The following SCEL variants were observed in gnomAD, a reference collection of about 807,000 sequenced individuals.
SCEL encodes sciellin.
A neutral mutation model predicts 117.6 loss-of-function variants in SCEL; 113 were observed. That is an observed-to-expected ratio of 0.96 (90% confidence interval 0.83 to 1.12). The LOEUF (loss-of-function observed/expected upper bound fraction) is 1.12. Among genes scored for constraint, SCEL ranks in the 50% most tolerant of loss-of-function variants. The pLI is 0.00. For synonymous variants in SCEL, 270 were observed against 256.2 expected (o/e 1.05, Z -0.51); for missense variants, 785 against 810.8 (o/e 0.97, Z 0.39).
In SCEL at chr13:77,608,189, G is replaced by T. The variant is rs574619441; in HGVS notation, c.1217+74G>T. Reference sequence around the variant, plus strand: ...TGGCACTCAGGAAAGAAGATGTGTTGAAAAACCTTTGGATTGGGATCAGAA... The same window carrying T: ...TGGCACTCAGGAAAGAAGATGTGTTTAAAAACCTTTGGATTGGGATCAGAA... On this transcript the variant is annotated intron_variant, in intron 20 of 32. Coordinates refer to ENST00000349847, the MANE Select transcript of SCEL (RefSeq NM_144777.3). 8.1e-5 allele frequency: 98 copies of T among 1,210,396 alleles called. No individual in the cohort carries two copies. The African/African-American group carries it at 1.0e-3, about 13-fold the overall frequency. 75.0% of individuals were successfully genotyped at this position (1,210,396 alleles called of 1,614,324 possible). A position where few individuals can be genotyped will look rare whatever the true frequency, so the allele number is the denominator to read the frequency against.
At position 77,596,351 on chromosome 13, in the gene SCEL, G is replaced by A. The variant is rs373910245; in HGVS notation, c.753-1194G>A. ...TCTGTCTTAAAAAAAAAAAAGTATA[G>A]CAAGCATTTATTAAACAAAAAATTT... is the stretch of plus-strand genomic sequence containing the variant. On this transcript the variant is annotated intron_variant, in intron 12 of 32. Transcript: ENST00000349847. Among the ~76,000 whole-genome samples, 373 of 151,810 alleles carry A rather than the reference G, an allele frequency of 2.5e-3. 3 individuals carry two copies. The highest frequency in any genetic ancestry group is 4.3e-3 in the Non-Finnish European group (291 of 67,906).
At chr13:77,570,554 G>A (rs1263162574) in intron 8 of SCEL, among the ~76,000 whole-genome samples, 2 of 152,146 alleles carry the variant, frequency 1.3e-5, no homozygotes, top group African/African-American at 2.4e-5. Flanking sequence ...TGATTGACTC[G>A]TTCCTTGTCT....
intron 25 of SCEL, 47 bp downstream of exon 25, chr13:77,617,705 TAA>T (rs1314747956): frequency 8.1e-6 from 12 of 1,479,270 alleles, no homozygotes; most frequent in Non-Finnish European, 1.1e-5. Flanking sequence ...GAAAGAATAT[TAA>T]GTTTTATTAT....
rs756651330 is a variant in SCEL, at chr13:77,599,310, T to A, written c.798-19T>A. 27 of 1,594,086 alleles carry A rather than the reference T, an allele frequency of 1.7e-5. No homozygotes were observed. The highest frequency in any genetic ancestry group is 2.1e-5 in the Non-Finnish European group (25 of 1,165,578). Reference sequence around the variant, plus strand: ...GTCATTATCACTGATGAGGCTTTTTTAAATCAATACATTTAAAGGAATCAA... The same window carrying A: ...GTCATTATCACTGATGAGGCTTTTTAAAATCAATACATTTAAAGGAATCAA... On this transcript the variant is annotated intron_variant, in intron 13 of 32. Coordinates refer to ENST00000349847, the MANE Select transcript of SCEL (RefSeq NM_144777.3).
At chr13:77,574,699 T>C (rs189390993) in intron 9 of SCEL, among the ~76,000 whole-genome samples, 2 of 152,034 alleles carry the variant, frequency 1.3e-5, no homozygotes, top group Admixed American at 1.3e-4. Flanking sequence ...TGAAAGGGAG[T>C]AAAGGCTTCA....
At chr13:77,638,798 A>C (rs895064491) in intron 30 of SCEL, among the ~76,000 whole-genome samples, 2 of 152,116 alleles carry the variant, frequency 1.3e-5, no homozygotes, top group Non-Finnish European at 2.9e-5. Flanking sequence ...ACTGATGCTG[A>C]ATCCCTCCAA....
chr13:77,584,984 G>A (rs1171592355), intron 9 of SCEL, among the ~76,000 whole-genome samples: 2 of 152,222 alleles, frequency 1.3e-5, no homozygotes, highest in African/African-American at 4.8e-5. Context: ...ATTCAGCCAA[G>A]TACCTGGCAC....
intron 28 of SCEL, 56 bp downstream of exon 28, chr13:77,628,065 T>A (rs2089839192): frequency 3.5e-6 from 2 of 573,354 alleles, no homozygotes; most frequent in South Asian, 6.4e-5. Context: ...CATCTGCATA[T>A]ATTGTATAGC....
In SCEL at chr13:77,569,386, A is replaced by G; in HGVS notation, c.414A>G (p.Ser138=). The part of the protein sequence containing the change: ...LEVTKLQPGG[S]LNANTSNTIA... The stretch of plus-strand genomic sequence containing the variant: ...CATTAAACAGGCAACCTGGCGGTTC[A>G]TTGAATGCCAACACCTCCAACACCA... Residue 138 remains serine (S), a synonymous_variant, in exon 8 of 33, where the codon TCA becomes TCG. Transcript: ENST00000349847. 1.2e-6 allele frequency: 2 copies of G among 1,613,890 alleles called. No individual in the cohort carries two copies. Among genetic ancestry groups the G allele is most frequent in the Non-Finnish European group, 1.7e-6 (2 of 1,179,748 alleles).
At chr13:77,597,861 A>G (rs2087342420) in intron 13 of SCEL, among the ~76,000 whole-genome samples, 1 of 152,056 alleles carries the variant, frequency 6.6e-6, no homozygotes, top group Non-Finnish European at 1.5e-5. Flanking sequence ...TCTTCCTGAA[A>G]TATTAATTAA....
At chr13:77,581,338 GCAATCT>G (rs2086250569) in intron 9 of SCEL, among the ~76,000 whole-genome samples, 2 of 152,166 alleles carry the variant, frequency 1.3e-5, no homozygotes, top group Admixed American at 6.5e-5. Flanking sequence ...AACCTAATTC[GCAATCT>G]GTAAATGAAG....
At chr13:77,580,952 G>A (rs1427064838) in intron 9 of SCEL, among the ~76,000 whole-genome samples, 4 of 152,102 alleles carry the variant, frequency 2.6e-5, no homozygotes, top group African/African-American at 7.2e-5. Context: ...TGATTGAGAA[G>A]TGAGTTGCCA....
chr13:77,568,544 C>G (rs182471108), intron 7 of SCEL, among the ~76,000 whole-genome samples: 17 of 152,194 alleles, frequency 1.1e-4, no homozygotes, highest in African/African-American at 4.1e-4. Flanking sequence ...AATCATTACT[C>G]TATCCAAACA....
At chr13:77,592,072 A>T (rs969395794) in intron 11 of SCEL, among the ~76,000 whole-genome samples, 2 of 152,178 alleles carry the variant, frequency 1.3e-5, no homozygotes, top group African/African-American at 4.8e-5. Flanking sequence ...TAAACAGTGC[A>T]ATTTTATAGG....
At chr13:77,560,265 TAA>T (rs5804913) in intron 4 of SCEL, among the ~76,000 whole-genome samples, 21 of 133,144 alleles carry the variant, frequency 1.6e-4, no homozygotes, top group African/African-American at 1.7e-4. Flanking sequence ...ACCCTGCCTC[TAA>T]AAAAAAAAAA....
At chr13:77,636,599 A>G (rs1458192317) in intron 29 of SCEL, among the ~76,000 whole-genome samples, 2 of 152,252 alleles carry the variant, frequency 1.3e-5, no homozygotes, top group Admixed American at 1.3e-4. Context: ...GATAATCTAC[A>G]TAATAGAAAA....
Position 77,634,415 on chromosome 13 carries a change from T to C in SCEL, c.1728T>C (p.Asp576=), listed in dbSNP as rs752920010. The stretch of plus-strand genomic sequence containing the variant: ...GAGCCAAGCAGGCAGGACCACAGGA[T>C]ACTGTTGTGTACACAAGGACATATG... The part of the protein sequence containing the change: ...NTGAKQAGPQ[D]TVVYTRTYVE... The change falls in exon 29 of 33, where the codon GAT becomes GAC. Residue 576 remains aspartate, a synonymous_variant. Transcript: ENST00000349847. 5.0e-6 allele frequency: 8 copies of C among 1,613,468 alleles called. No homozygotes were observed. The Admixed American group carries it at 8.3e-5, about 17-fold the overall frequency.
At chr13:77,537,078 T>C (rs752277621) in intron 1 of SCEL, among the ~76,000 whole-genome samples, 8 of 152,314 alleles carry the variant, frequency 5.3e-5, no homozygotes, top group Non-Finnish European at 1.0e-4. Context: ...AAACATCAAT[T>C]TGAGAAAACT....
chr13:77,615,125 T>C (rs1023301894), intron 24 of SCEL, among the ~76,000 whole-genome samples: 2 of 152,144 alleles, frequency 1.3e-5, no homozygotes, highest in Non-Finnish European at 2.9e-5. Flanking sequence ...AGGAGACATA[T>C]TGAAGAGCTA....
Sources: gnomAD v4.1 joint callset for allele counts (sites outside exome capture counted in the v4.1 genomes callset) on GRCh38, gnomAD v4.1.1 for gene constraint, MANE v1.5 for transcripts, NCBI Gene and HGNC (gene_info 2026-07-23, HGNC 2026-07-21) for gene names.